TYRO3: variants seen among roughly 807,000 people sequenced by gnomAD.
TYRO3 encodes the protein TYRO3 protein tyrosine kinase, also known as tyrosine-protein kinase receptor TYRO3.
In TYRO3, 38 loss-of-function variants were observed where a neutral mutation model predicts 95.2. The ratio of observed to expected loss-of-function variants is 0.40; its 90% CI spans 0.31 to 0.52. TYRO3 has a LOEUF of 0.52. Ranked by LOEUF, TYRO3 falls within the 20% of genes least tolerant of loss-of-function variation. TYRO3 has a pLI of 0.56. For synonymous variants in TYRO3, 367 were observed against 432.9 expected (o/e 0.85, Z 1.89); for missense variants, 812 against 1,116.4 (o/e 0.73, Z 3.89).
At chr15:41,570,528 G>C (rs1163902565) in intron 11 of TYRO3, 76 bp from the exon 12 acceptor site, 1 of 1,384,508 alleles carries the variant, frequency 7.2e-7, no homozygotes, top group East Asian at 2.3e-5. Flanking sequence ...TCTGAGGGCA[G>C]AGTCTGGGGT....
At chr15:41,562,208 A>C (rs1046159744) in intron 3 of TYRO3, 1 of 211,086 alleles carries the variant, frequency 4.7e-6, no homozygotes, top group Non-Finnish European at 9.3e-6. Flanking sequence ...CTAAGGTGCC[A>C]GGCATGGTGG....
chr15:41,560,391 G>A (rs909671928), intron 1 of TYRO3, among the ~76,000 whole-genome samples: 7 of 128,112 alleles, frequency 5.5e-5, no homozygotes, highest in Admixed American at 4.1e-4. Flanking sequence ...AGAGGTGCGT[G>A]TATGTGTGTG....
intron 9 of TYRO3, among the ~76,000 whole-genome samples, chr15:41,569,735 C>G (rs897592202): frequency 6.6e-6 from 1 of 152,232 alleles, no homozygotes; most frequent in African/African-American, 2.4e-5. Flanking sequence ...CCCCTGCACT[C>G]TGGCCTGGGC....
In TYRO3 at chr15:41,580,786, G is replaced by A. The variant is rs2055914578; in HGVS notation, c.*2510G>A. The A allele has an allele frequency of 1.3e-5, 2 of 152,188 alleles. No homozygotes were observed. The allele number at this position is 152,188 out of a possible 1,614,324, so 9.4% of individuals were successfully genotyped here. ...GTTGGGACTACAGGCACGAGCCACTGTGTCCGGCTATTTTTTGTATTTTTT... is the reference window on the plus strand; with the variant it reads ...GTTGGGACTACAGGCACGAGCCACTATGTCCGGCTATTTTTTGTATTTTTT... On this transcript the variant is annotated 3_prime_UTR_variant, in exon 19 of 19. Transcript: ENST00000263798.
In TYRO3 at chr15:41,564,226, T is replaced by C. The variant is rs76520897; in HGVS notation, c.623T>C (p.Leu208Pro). The C allele has an allele frequency of 6.2e-7, 1 of 1,614,120 alleles. No individual in the cohort carries two copies. Among genetic ancestry groups the C allele is most frequent in the East Asian group, 2.2e-5 (1 of 44,866 alleles). Residue 208 changes from leucine to proline, a missense_variant, in exon 5 of 19, where the codon CTA (leucine) becomes CCA (proline). By Grantham distance (98) the Leu-to-Pro change is moderately conservative. Coordinates refer to ENST00000263798, the MANE Select transcript of TYRO3 (RefSeq NM_006293.4). ...STMFSCEAHN[L>P]KGLASSRTAT... is the part of the protein sequence containing the mutation. ...ATGTTTTCCTGTGAAGCTCACAACC[T>C]AAAAGGCCTGGCCTCTTCTCGCACA...
At chr15:41,570,938 A>G in intron 12 of TYRO3, 100 bp from the exon 13 acceptor site, 2 of 1,339,242 alleles carry the variant, frequency 1.5e-6, no homozygotes, top group Non-Finnish European at 2.1e-6. Context: ...CACTGGCCCC[A>G]GAGTCTGCTG....
In TYRO3 at chr15:41,580,921, C is replaced by T. The variant is rs1336266301; in HGVS notation, c.*2645C>T. 6.6e-6 allele frequency: 1 copy of T among 152,100 alleles called. No homozygotes were observed. Among genetic ancestry groups the T allele is most frequent in the African/African-American group, 2.4e-5 (1 of 41,414 alleles). 9.4% of individuals were successfully genotyped at this position (152,100 alleles called of 1,614,324 possible). The stretch of plus-strand genomic sequence containing the variant: ...TGCTGTGATAACAGGGGTGAGACAC[C>T]ATACCCAGCTTGTAATCCCAGCACT... On this transcript the variant is annotated 3_prime_UTR_variant, in exon 19 of 19. Transcript: ENST00000263798.
chr15:41,569,241 C>T (rs201193100), intron 9 of TYRO3, among the ~76,000 whole-genome samples: 1 of 150,100 alleles, frequency 6.7e-6, no homozygotes, highest in Non-Finnish European at 1.5e-5. Context: ...CGCTTGAGGC[C>T]GGCAGTTTGA....
At position 41,571,629 on chromosome 15, in the gene TYRO3, C is replaced by T. The variant is rs758506363; in HGVS notation, c.1695C>T (p.Phe565=). The change falls in exon 14 of 19, where the codon TTC becomes TTT. Residue 565 remains phenylalanine, a synonymous_variant. Transcript: ENST00000263798. Reference sequence around the variant, plus strand: ...TTGCCTCAAGCGACATTGAAGAGTTCCTCAGGGAAGCAGCTTGCATGAAGG... The same window carrying T: ...TTGCCTCAAGCGACATTGAAGAGTTTCTCAGGGAAGCAGCTTGCATGAAGG... ...DIIASSDIEE[F]LREAACMKEF... is the part of the protein sequence containing the mutation. The T allele has an allele frequency of 1.1e-5, 18 of 1,613,924 alleles. No homozygotes were observed. The South Asian group carries it at 2.0e-4, about 18-fold the overall frequency.
rs746749128 is a variant in TYRO3 at position 41,565,094 on chromosome 15, A to C, written c.736A>C (p.Met246Leu). The change falls in exon 6 of 19, where the codon ATG becomes CTG. Residue 246 changes from methionine to leucine, a missense_variant. By Grantham distance (15) the Met-to-Leu change is conservative. Transcript: ENST00000263798. Reference protein sequence around the residue: ...LSSSNASVAWMPGADGRALLQ... With the variant: ...LSSSNASVAWLPGADGRALLQ... ...CAGCAGCAACGCTAGTGTGGCCTGG[A>C]TGCCAGGTGCTGATGGCCGAGCTCT... 1 of 1,613,420 alleles carries C rather than the reference A, an allele frequency of 6.2e-7. No individual in the cohort carries two copies. Among genetic ancestry groups the C allele is most frequent in the Non-Finnish European group, 8.5e-7 (1 of 1,179,994 alleles).
In TYRO3 at chr15:41,570,055, A is replaced by G. The variant is rs756351193; in HGVS notation, c.1281A>G (p.Thr427=). The change falls in exon 10 of 19, where the codon ACA becomes ACG. Residue 427 remains threonine (T), a synonymous_variant. Transcript: ENST00000263798. The stretch of plus-strand genomic sequence containing the variant: ...AGCAGGGCCCTCCTCACAGCCGCAC[A>G]TCCTGGGTACCTGTGGTCCTTGGTG... ...AGQQGPPHSR[T]SWVPVVLGVL... The G allele has an allele frequency of 6.2e-7, 1 of 1,613,744 alleles. No homozygotes were observed. The highest frequency in any genetic ancestry group is 1.1e-5 in the South Asian group (1 of 91,048).
intron 11 of TYRO3, 37 bp from the exon 12 acceptor site, chr15:41,570,567 C>T: frequency 7.2e-7 from 1 of 1,396,504 alleles, no homozygotes; most frequent in Non-Finnish European, 9.8e-7. Context: ...GCTCAGGAAT[C>T]AGAGATCCCT....
At chr15:41,564,050 C>G (rs1325720413) in intron 4 of TYRO3, 134 bp from the exon 5 acceptor site, 1 of 796,484 alleles carries the variant, frequency 1.3e-6, no homozygotes, top group African/African-American at 1.7e-5. Context: ...TTCACCGTAC[C>G]TCACTGCCCA....
Position 41,573,185 on chromosome 15 carries a change from T to C in TYRO3, c.1985+74T>C, listed in dbSNP as rs892700253. ...GAGGAGCTAGCTGATGGTCGGCTCC[T>C]GCCTGGGACAGTATCTGCTATGCAT... On this transcript the variant is annotated intron_variant, in intron 16 of 18. Coordinates refer to ENST00000263798, the MANE Select transcript of TYRO3 (RefSeq NM_006293.4). 4 of 1,428,032 alleles carry C rather than the reference T, an allele frequency of 2.8e-6. No individual in the cohort carries two copies. In the African/African-American group the frequency reaches 4.3e-5, roughly 15 times the overall value. 88.5% of individuals were successfully genotyped at this position (1,428,032 alleles called of 1,614,324 possible). A position where few individuals can be genotyped will look rare whatever the true frequency, so the allele number is the denominator to read the frequency against.
Position 41,567,404 on chromosome 15 carries a change from C to T in TYRO3, c.828C>T (p.Val276=), listed in dbSNP as rs1427798172. ...GCTGGGAAGTCCTGGCTGTTGTGGT[C>T]CCTGTGCCCCCCTTTACCTGCCTGC... is the stretch of plus-strand genomic sequence containing the variant. ...PGGWEVLAVV[V]PVPPFTCLLR... The change falls in exon 7 of 19, where the codon GTC becomes GTT. Residue 276 remains valine, a synonymous_variant. Coordinates refer to ENST00000263798, the MANE Select transcript of TYRO3 (RefSeq NM_006293.4). 1.2e-6 allele frequency: 2 copies of T among 1,603,874 alleles called. No homozygotes were observed. Among genetic ancestry groups the T allele is most frequent in the East Asian group, 2.3e-5 (1 of 43,866 alleles).
intron 6 of TYRO3, among the ~76,000 whole-genome samples, chr15:41,565,950 C>G (rs1169541239): frequency 1.3e-5 from 2 of 152,076 alleles, no homozygotes; most frequent in Admixed American, 1.3e-4. Context: ...TTAATGAGTA[C>G]CTTTCAAAAC....
Position 41,573,807 on chromosome 15 carries a change from G to C in TYRO3, c.2274G>C (p.Met758Ile), listed in dbSNP as rs2055830784. The part of the protein sequence containing the change: ...GNRLKQPPEC[M>I]EDVYDLMYQC... ...GCCTGAAACAGCCTCCGGAGTGTAT[G>C]GAGGACGTGTGAGTATCCTGGGAAG... Residue 758 changes from methionine to isoleucine, a missense_variant, in exon 18 of 19, where the codon ATG (methionine) becomes ATC (isoleucine). Physicochemically the swap from Met to Ile is conservative, Grantham distance 10 (BLOSUM62 1). Coordinates refer to ENST00000263798, the MANE Select transcript of TYRO3 (RefSeq NM_006293.4). The C allele has an allele frequency of 1.9e-6, 3 of 1,614,148 alleles. No individual in the cohort carries two copies. The highest frequency in any genetic ancestry group is 2.5e-6 in the Non-Finnish European group (3 of 1,180,048).
At chr15:41,572,345 A>C in intron 14 of TYRO3, 98 bp from the exon 15 acceptor site, 2 of 1,492,832 alleles carry the variant, frequency 1.3e-6, no homozygotes, top group Non-Finnish European at 9.0e-7. Flanking sequence ...TAGCAGAGCC[A>C]GAGCTAGAGA....
At chr15:41,572,086 C>G (rs144409494) in intron 14 of TYRO3, among the ~76,000 whole-genome samples, 4 of 151,938 alleles carry the variant, frequency 2.6e-5, no homozygotes, top group Non-Finnish European at 4.4e-5. Flanking sequence ...TGTCCAGCTA[C>G]CCGGGAGGCT....
Sources: gnomAD v4.1 joint callset for allele counts (sites outside exome capture counted in the v4.1 genomes callset) on GRCh38, gnomAD v4.1.1 for gene constraint, MANE v1.5 for transcripts, NCBI Gene and HGNC (gene_info 2026-07-23, HGNC 2026-07-21) for gene names.